NDST3: variants seen among roughly 807,000 people sequenced by gnomAD.
NDST3 encodes N-deacetylase and N-sulfotransferase 3, also known as bifunctional heparan sulfate N-deacetylase/N-sulfotransferase 3.
Under a neutral mutation model 96.1 loss-of-function variants are expected in NDST3, and 58 were observed. That is an observed-to-expected ratio of 0.60 (90% confidence interval 0.49 to 0.75). NDST3 has a LOEUF of 0.75. Among genes scored for constraint, NDST3 ranks in the 30% least tolerant of loss-of-function variants. The pLI is 0.00. For synonymous variants in NDST3, 333 were observed against 359.7 expected (o/e 0.93, Z 0.84); for missense variants, 788 against 1,034.2 (o/e 0.76, Z 3.27).
At chr4:118,227,075 A>G in intron 8 of NDST3, 93 bp downstream of exon 8, 1 of 800,690 alleles carries the variant, frequency 1.2e-6, no homozygotes, top group South Asian at 1.6e-5. Flanking sequence ...ACTTCCCATA[A>G]CTGCTAATGA....
intron 1 of NDST3, among the ~76,000 whole-genome samples, chr4:118,047,426 A>T (rs1724833653): frequency 6.6e-6 from 1 of 152,230 alleles, no homozygotes. Flanking sequence ...CTGAAATGAC[A>T]GACATATTAT....
Position 118,224,351 on chromosome 4 carries a change from T to A in NDST3, c.1540-140T>A, listed in dbSNP as rs1739735782. On this transcript the variant is annotated intron_variant, in intron 6 of 13. Coordinates refer to ENST00000296499, the MANE Select transcript of NDST3 (RefSeq NM_004784.3). ...TAATATAATGAGGGTTTGAGGGACA[T>A]GTCCCAAATCCAAAAACACGCCATC... 8.4e-6 allele frequency: 5 copies of A among 594,414 alleles called. No homozygotes were observed. The South Asian group carries it at 1.8e-4, about 21-fold the overall frequency. 36.8% of individuals were successfully genotyped at this position (594,414 alleles called of 1,614,324 possible).
chr4:118,194,363 C>A, intron 6 of NDST3: 1 of 729,390 alleles, frequency 1.4e-6, no homozygotes, highest in South Asian at 1.4e-5. Flanking sequence ...ACAACTCCAC[C>A]TCAAACACGA....
chr4:118,070,872 C>T (rs1178251812), intron 2 of NDST3, among the ~76,000 whole-genome samples: 1 of 152,008 alleles, frequency 6.6e-6, no homozygotes, highest in East Asian at 1.9e-4. Flanking sequence ...TGTTCAATTC[C>T]CACCTATGAC....
chr4:118,252,977 C>CT (rs1741852781), intron 12 of NDST3, among the ~76,000 whole-genome samples: 2 of 152,030 alleles, frequency 1.3e-5, no homozygotes, highest in Admixed American at 1.3e-4. Flanking sequence ...GAAAGTAGCT[C>CT]TGAAAAAAAT....
chr4:118,129,409 A>C (rs1732408281), intron 4 of NDST3, among the ~76,000 whole-genome samples: 1 of 151,902 alleles, frequency 6.6e-6, no homozygotes. Flanking sequence ...CTTTTCCAGA[A>C]AGTTTTTCAA....
Position 118,202,670 on chromosome 4 carries a change from C to T in NDST3, c.1540-21821C>T, listed in dbSNP as rs112994352. 8.5e-5 allele frequency among the ~76,000 whole-genome samples: 13 copies of T among 152,262 alleles called. 1 individual carries two copies. In the South Asian group the frequency reaches 2.7e-3, roughly 32 times the overall value. The stretch of plus-strand genomic sequence containing the variant: ...TGATTTTTATACAATGATTTTGTAA[C>T]CTGAAACTTTACTAAAGGTGTTTAT... On this transcript the variant is annotated intron_variant, in intron 6 of 13. Coordinates refer to ENST00000296499, the MANE Select transcript of NDST3 (RefSeq NM_004784.3).
intron 6 of NDST3, among the ~76,000 whole-genome samples, chr4:118,171,887 G>A (rs1278026431): frequency 6.6e-6 from 1 of 152,154 alleles, no homozygotes; most frequent in East Asian, 1.9e-4. Context: ...CTCACAGCCA[G>A]ATATGAGCCA....
At chr4:118,160,302 A>G (rs1030518512) in intron 6 of NDST3, among the ~76,000 whole-genome samples, 2 of 152,198 alleles carry the variant, frequency 1.3e-5, no homozygotes, top group Non-Finnish European at 2.9e-5. Context: ...AGAATACTAT[A>G]GCCTGCAAAA....
intron 2 of NDST3, among the ~76,000 whole-genome samples, chr4:118,097,607 C>G (rs968067643): frequency 2.0e-5 from 3 of 151,760 alleles, no homozygotes; most frequent in Admixed American, 6.6e-5. Flanking sequence ...TGTTAAGTTT[C>G]CCAGATAATC....
rs377411135 is a variant in NDST3 at position 118,238,121 on chromosome 4, A to AAGAG, written c.2118+923_2118+926dup. ...GTGCAGAGGGAGACTCTGTCAAAAGAAGAGAGAGAGAGAGAGAGAGAGAGA... is the reference window on the plus strand; with the variant it reads ...GTGCAGAGGGAGACTCTGTCAAAAGAAGAGAGAGAGAGAGAGAGAGAGAGAGAGA... On this transcript the variant is annotated intron_variant, in intron 10 of 13. Coordinates refer to ENST00000296499, the MANE Select transcript of NDST3 (RefSeq NM_004784.3). 2.1e-3 allele frequency among the ~76,000 whole-genome samples: 192 copies of AAGAG among 91,384 alleles called. 6 individuals carry two copies. The highest frequency in any genetic ancestry group is 4.0e-3 in the Non-Finnish European group (143 of 35,900). 60.0% of individuals were successfully genotyped at this position (91,384 alleles called of 152,430 possible).
At chr4:118,195,760 TG>T (rs1258035970) in intron 6 of NDST3, among the ~76,000 whole-genome samples, 1 of 152,272 alleles carries the variant, frequency 6.6e-6, no homozygotes, top group East Asian at 1.9e-4. Context: ...GTGGCGTCTT[TG>T]GGTTTTCCCA....
chr4:118,055,674 A>C (rs970935576), intron 2 of NDST3: 2 of 152,090 alleles, frequency 1.3e-5, no homozygotes, highest in South Asian at 2.1e-4. Context: ...TTAGTTTCCA[A>C]TTCGAAATGT....
In NDST3 at chr4:118,066,283, A is replaced by ATATATAT. The variant is rs1232102588; in HGVS notation, c.981+11400_981+11406dup. On this transcript the variant is annotated intron_variant, in intron 2 of 13. Transcript: ENST00000296499. ...ATATATATTATATATATTATATATT[A>ATATATAT]TATATATTATATATATTATGTATTA... 4.2e-4 allele frequency among the ~76,000 whole-genome samples: 2 copies of ATATATAT among 4,792 alleles called. 1 individual carries two copies. The highest frequency in any genetic ancestry group is 3.4e-3 in the Non-Finnish European group (2 of 580). The allele number at this position is 4,792 out of a possible 152,430, so 3.1% of individuals were successfully genotyped here. A position where few individuals can be genotyped will look rare whatever the true frequency, so the allele number is the denominator to read the frequency against.
intron 4 of NDST3, among the ~76,000 whole-genome samples, chr4:118,127,327 G>A (rs1344443012): frequency 6.6e-6 from 1 of 151,962 alleles, no homozygotes; most frequent in African/African-American, 2.4e-5. Flanking sequence ...ATAGTTTGAG[G>A]TCTTATGTTT....
In NDST3 at chr4:118,237,270, A is replaced by G. The variant is rs752295811; in HGVS notation, c.2118+50A>G. The G allele has an allele frequency of 2.1e-5, 30 of 1,450,518 alleles. No individual in the cohort carries two copies. In the Middle Eastern group the frequency reaches 7.2e-4, roughly 35 times the overall value. The allele number at this position is 1,450,518 out of a possible 1,614,324, so 89.9% of individuals were successfully genotyped here. ...AACAGGGAGAAGTGGAGTATGGACA[A>G]TGGAGCATTGTTTTTAGCAATACCC... On this transcript the variant is annotated intron_variant, in intron 10 of 13. Coordinates refer to ENST00000296499, the MANE Select transcript of NDST3 (RefSeq NM_004784.3).
chr4:118,051,874 T>C (rs1578537923), intron 1 of NDST3, among the ~76,000 whole-genome samples: 2 of 152,004 alleles, frequency 1.3e-5, no homozygotes, highest in South Asian at 4.2e-4. Flanking sequence ...TAGTAAGAAG[T>C]TAAAAGATAA....
At chr4:118,044,306 C>T (rs1306153091) in intron 1 of NDST3, among the ~76,000 whole-genome samples, 2 of 152,182 alleles carry the variant, frequency 1.3e-5, no homozygotes, top group African/African-American at 4.8e-5. Flanking sequence ...AGCGCAATTA[C>T]TTATCAAAAT....
intron 8 of NDST3, among the ~76,000 whole-genome samples, 182 bp downstream of exon 8, chr4:118,227,164 A>C (rs1030206106): frequency 2.0e-5 from 3 of 152,106 alleles, no homozygotes; most frequent in Non-Finnish European, 4.4e-5. Context: ...GTGTTTTTTA[A>C]GTGAAGGGAA....
Sources: allele counts gnomAD v4.1 joint callset (sites outside exome capture counted in the v4.1 genomes callset), GRCh38; gene constraint gnomAD v4.1.1; transcripts MANE v1.5; gene names NCBI Gene and HGNC (gene_info 2026-07-23, HGNC 2026-07-21).